Variants in CRYL1 observed in about 807,000 individuals in gnomAD.
The protein encoded by CRYL1 is crystallin lambda 1, also known as lambda-crystallin homolog.
CRYL1 carries 29 observed loss-of-function variants against 36.6 expected under a neutral mutation model. The ratio of observed to expected loss-of-function variants is 0.79; its 90% CI spans 0.59 to 1.08. CRYL1 has a LOEUF of 1.08. Among genes scored for constraint, CRYL1 ranks in the 50% least tolerant of loss-of-function variants. CRYL1 has a pLI of 0.00. For synonymous variants in CRYL1, 152 were observed against 151.5 expected (o/e 1.00, Z -0.02); for missense variants, 411 against 407.9 (o/e 1.01, Z -0.06).
At chr13:20,520,501 T>C (rs1219293475) in intron 1 of CRYL1, among the ~76,000 whole-genome samples, 1 of 152,162 alleles carries the variant, frequency 6.6e-6, no homozygotes, top group Non-Finnish European at 1.5e-5. Flanking sequence ...ATCGCAATTA[T>C]CTGACCTGAG....
chr13:20,481,484 C>T lies in CRYL1; in HGVS notation c.276+7886G>A, dbSNP rs1023704019. 3.3e-5 allele frequency among the ~76,000 whole-genome samples: 5 copies of T among 152,176 alleles called. No individual in the cohort carries two copies. The highest frequency in any genetic ancestry group is 1.2e-4 in the African/African-American group (5 of 41,446). On this transcript the variant is annotated intron_variant, in intron 3 of 7. Transcript: ENST00000298248. This position sits in a 1 kb window ranked among gnomAD's most constrained non-coding sequence, Gnocchi z 4.1. The stretch of plus-strand genomic sequence containing the variant: ...GGAAGGAGAGGCTCTATGCTCTGAA[C>T]CCCAGCTGTGACGCTGATTTCATAC...
At chr13:20,446,793 G>T (rs1178251168) in intron 3 of CRYL1, among the ~76,000 whole-genome samples, 5 of 152,284 alleles carry the variant, frequency 3.3e-5, no homozygotes, top group Non-Finnish European at 5.9e-5. Context: ...TAGAGTGTGT[G>T]TTTTTATTAA....
chr13:20,482,195 C>T (rs936834663), intron 3 of CRYL1, among the ~76,000 whole-genome samples: 23 of 152,214 alleles, frequency 1.5e-4, no homozygotes, highest in Non-Finnish European at 2.9e-5. Context: ...AGCATTCTCT[C>T]CATTTTAAAG....
intron 2 of CRYL1, among the ~76,000 whole-genome samples, chr13:20,499,607 A>G (rs1389172573): frequency 6.6e-6 from 1 of 151,176 alleles, no homozygotes; most frequent in African/African-American, 2.4e-5. Flanking sequence ...AGCCGAGATC[A>G]TGCCACTGCA....
At chr13:20,464,590 A>T (rs9315601) in intron 3 of CRYL1, among the ~76,000 whole-genome samples, 146,379 of 152,288 alleles carry the variant, frequency 0.96, 70,595 homozygotes, top group East Asian at 1. Context: ...GAATTTCAAT[A>T]ATTAAAATCT....
In CRYL1 at chr13:20,435,218, T is replaced by G. The variant is rs1430044054; in HGVS notation, c.439-2922A>C. 6.6e-6 allele frequency among the ~76,000 whole-genome samples: 1 copy of G among 152,244 alleles called. No homozygotes were observed. The highest frequency in any genetic ancestry group is 1.5e-5 in the Non-Finnish European group (1 of 68,040). ...CAAATAGTTAAGACGGTAGATTTTG[T>G]TATGTATATTTTACCACAATTATAC... On this transcript the variant is annotated intron_variant, in intron 4 of 7. Transcript: ENST00000298248. This position sits in a 1 kb window ranked among gnomAD's most constrained non-coding sequence, Gnocchi z 4.0.
intron 2 of CRYL1, among the ~76,000 whole-genome samples, chr13:20,502,996 C>CG (rs2033729966): frequency 6.7e-6 from 1 of 148,780 alleles, no homozygotes; most frequent in Admixed American, 6.6e-5. Context: ...GCCGGAAGCA[C>CG]GCAGGATCAT....
chr13:20,424,810 C>T (rs1469926557), intron 5 of CRYL1, among the ~76,000 whole-genome samples: 2 of 152,118 alleles, frequency 1.3e-5, no homozygotes, highest in Non-Finnish European at 2.9e-5. Context: ...GAAAAGGCAG[C>T]GCTGAGATAC....
At chr13:20,445,205 C>T (rs2032428596) in intron 3 of CRYL1, among the ~76,000 whole-genome samples, 1 of 152,122 alleles carries the variant, frequency 6.6e-6, no homozygotes, top group Non-Finnish European at 1.5e-5. Flanking sequence ...TAGTGGGGAA[C>T]CCAGAGATAT....
At chr13:20,436,657 G>A (rs764749549) in intron 4 of CRYL1, among the ~76,000 whole-genome samples, 5 of 152,166 alleles carry the variant, frequency 3.3e-5, no homozygotes, top group Admixed American at 2.6e-4. Context: ...CTGGGAGTAC[G>A]AGCCCGCCTG....
chr13:20,439,035 G>A (rs1228315311), intron 4 of CRYL1, among the ~76,000 whole-genome samples: 2 of 147,408 alleles, frequency 1.4e-5, no homozygotes, highest in Non-Finnish European at 3.0e-5. Flanking sequence ...GTGAGTGGAA[G>A]GGAAACCACA....
intron 1 of CRYL1, among the ~76,000 whole-genome samples, chr13:20,522,542 G>A (rs9509266): frequency 3.3e-5 from 5 of 152,006 alleles, no homozygotes; most frequent in African/African-American, 7.3e-5. Flanking sequence ...TGTTACAAAC[G>A]CTCAACTATC....
chr13:20,507,005 C>T (rs531700835), intron 2 of CRYL1, among the ~76,000 whole-genome samples: 1 of 152,290 alleles, frequency 6.6e-6, no homozygotes, highest in East Asian at 1.9e-4. Flanking sequence ...ATAAGTCTCA[C>T]GAGATCTGAT....
chr13:20,505,359 C>CAAAAAAAA lies in CRYL1; in HGVS notation c.149+7076_149+7083dup, dbSNP rs61380702. Among the ~76,000 whole-genome samples the CAAAAAAAA allele has an allele frequency of 1.6e-4, 15 of 91,222 alleles. 2 individuals carry two copies. Among genetic ancestry groups the CAAAAAAAA allele is most frequent in the South Asian group, 4.7e-4 (1 of 2,144 alleles). The allele number at this position is 91,222 out of a possible 152,430, so 59.8% of individuals were successfully genotyped here. On this transcript the variant is annotated intron_variant, in intron 2 of 7. Transcript: ENST00000298248. ...GCAACAAAGTGAGACTCTATCCCAC[C>CAAAAAAAA]AAAAAAAAAAAAAAAAAAAAAAATC...
rs541634883 is a variant in CRYL1 at position 20,470,242 on chromosome 13, T to A, written c.276+19128A>T. On this transcript the variant is annotated intron_variant, in intron 3 of 7. Transcript: ENST00000298248. ...AAAGCCTCTGCCCCACTGCCGCGAC[T>A]CAGGCCTGGCCCCGGGTGCAAGTTC... 4.6e-5 allele frequency among the ~76,000 whole-genome samples: 7 copies of A among 152,320 alleles called. No homozygotes were observed. The East Asian group carries it at 1.4e-3, about 29-fold the overall frequency.
chr13:20,474,267 A>G (rs1341119989), intron 3 of CRYL1, among the ~76,000 whole-genome samples: 2 of 152,202 alleles, frequency 1.3e-5, no homozygotes, highest in Non-Finnish European at 2.9e-5. Context: ...CTCACTAGGT[A>G]TCTCGGAGGA....
chr13:20,424,598 C>T (rs1199034063), intron 5 of CRYL1, among the ~76,000 whole-genome samples: 2 of 152,224 alleles, frequency 1.3e-5, no homozygotes, highest in African/African-American at 4.8e-5. Flanking sequence ...GAGGGATCAG[C>T]TCTAAGCGGC....
chr13:20,467,400 C>G (rs186571087), intron 3 of CRYL1, among the ~76,000 whole-genome samples: 43 of 152,296 alleles, frequency 2.8e-4, no homozygotes, highest in African/African-American at 9.9e-4. Flanking sequence ...AGAGCTATAG[C>G]AGGGACCTGT....
chr13:20,448,045 G>T (rs186854699), intron 3 of CRYL1, among the ~76,000 whole-genome samples: 1 of 152,102 alleles, frequency 6.6e-6, no homozygotes, highest in African/African-American at 2.4e-5. Flanking sequence ...ATTTAAAATA[G>T]CTATGATTAA....
Sources: gnomAD v4.1 joint callset for allele counts (sites outside exome capture counted in the v4.1 genomes callset) on GRCh38, gnomAD v4.1.1 for gene constraint, Gnocchi (gnomAD v3.1) non-coding constraint, MANE v1.5 for transcripts, NCBI Gene and HGNC (gene_info 2026-07-23, HGNC 2026-07-21) for gene names.